Variants in FHOD1 observed in about 807,000 individuals in gnomAD.
FHOD1 encodes FH1/FH2 domain-containing protein 1.
FHOD1 carries 89 observed loss-of-function variants against 111.6 expected under a neutral mutation model. The ratio of observed to expected loss-of-function variants is 0.80; its 90% CI spans 0.67 to 0.95. The LOEUF is 0.95. Among genes scored for constraint, FHOD1 ranks in the 40% least tolerant of loss-of-function variants. FHOD1 has a pLI of 0.00. For synonymous variants in FHOD1, 618 were observed against 639.0 expected (o/e 0.97, Z 0.50); for missense variants, 1,446 against 1,554.2 (o/e 0.93, Z 1.17).
intron 17 of FHOD1, 35 bp from the exon 18 acceptor site, chr16:67,230,826 C>G (rs374066939): frequency 1.2e-5 from 19 of 1,547,436 alleles, no homozygotes; most frequent in African/African-American, 4.1e-5. Flanking sequence ...ACTGTCCCCC[C>G]ACACCCTGTA....
At position 67,230,530 on chromosome 16, in the gene FHOD1, G is replaced by C. The variant is rs777870268; in HGVS notation, c.2859-24C>G. ...ACCTAGGCAGGTCAGAGTAGGGAGG[G>C]ACAGTAAGTCCTGCTTATTGTCTGA... On this transcript the variant is annotated intron_variant, in intron 18 of 21. Transcript: ENST00000258201. 5.0e-6 allele frequency: 8 copies of C among 1,613,750 alleles called. No individual in the cohort carries two copies. In the Admixed American group the frequency reaches 1.0e-4, roughly 20 times the overall value.
intron 1 of FHOD1, among the ~76,000 whole-genome samples, chr16:67,246,490 G>C (rs960907059): frequency 6.6e-6 from 1 of 152,320 alleles, no homozygotes; most frequent in African/African-American, 2.4e-5. Context: ...CGGGGCGGCA[G>C]CAAAGTAGGG....
In FHOD1 at chr16:67,234,010, C is replaced by T. The variant is rs752754049; in HGVS notation, c.1693G>A (p.Ala565Thr). ...QDMLNVESVE[A>T]GKDIPAPSPP... is the part of the protein sequence containing the mutation. Reference sequence around the variant, plus strand: ...GAGGGAGCTGGGATGTCTTTCCCAGCCTCCACAGACTCTACATTCAGCATG... The same window carrying T: ...GAGGGAGCTGGGATGTCTTTCCCAGTCTCCACAGACTCTACATTCAGCATG... The change falls in exon 13 of 22, where the codon GCT becomes ACT. Residue 565 changes from alanine (A) to threonine (T), a missense_variant. Transcript: ENST00000258201. 3 of 1,613,318 alleles carry T rather than the reference C, an allele frequency of 1.9e-6. No homozygotes were observed. Among genetic ancestry groups the T allele is most frequent in the Admixed American group, 3.3e-5 (2 of 59,988 alleles).
At position 67,230,729 on chromosome 16, in the gene FHOD1, C is replaced by T. The variant is rs771534266; in HGVS notation, c.2730G>A (p.Glu910=). ...GQLERRSRAA[E]ESLRSLAKHE... is the part of the protein sequence containing the mutation. ...GCTTGGCCAAGCTCCGCAGGCTCTC[C>T]TCGGCTGCCCGGCTCCGGCGCTCCA... Residue 910 remains glutamate (E), a synonymous_variant, in exon 18 of 22, where the codon GAG becomes GAA. Transcript: ENST00000258201. 6.2e-7 allele frequency: 1 copy of T among 1,611,824 alleles called. No homozygotes were observed. Among genetic ancestry groups the T allele is most frequent in the Non-Finnish European group, 8.5e-7 (1 of 1,178,826 alleles).
chr16:67,233,469 G>A (rs1371532346), intron 13 of FHOD1, among the ~76,000 whole-genome samples, 188 bp downstream of exon 13: 1 of 152,134 alleles, frequency 6.6e-6, no homozygotes, highest in Non-Finnish European at 1.5e-5. Context: ...CACCATGCCC[G>A]GCCACATTTA....
rs756124197 is a variant in FHOD1, at chr16:67,229,924, G to A, written c.3281C>T (p.Pro1094Leu). The A allele has an allele frequency of 6.2e-7, 1 of 1,614,244 alleles. No homozygotes were observed. Among genetic ancestry groups the A allele is most frequent in the Non-Finnish European group, 8.5e-7 (1 of 1,180,036 alleles). ...VGPSTASPEE[P>L]PGSSLPSDTS... is the part of the protein sequence containing the mutation. ...ATCACTGGGTAAACTGGAGCCTGGG[G>A]GTTCTTCTGGGGATGCAGTGGAGGG... Residue 1094 changes from proline (P) to leucine (L), a missense_variant, in exon 21 of 22, where the codon CCC (proline) becomes CTC (leucine). This residue lies in a region of FHOD1 where 1,085 missense variants were observed against 1,108.8 expected (regional missense o/e 0.98). Transcript: ENST00000258201.
rs1461974164 is a variant in FHOD1, at chr16:67,231,266, G to C, written c.2589C>G (p.Leu863=). 6.2e-7 allele frequency: 1 copy of C among 1,614,222 alleles called. No homozygotes were observed. Among genetic ancestry groups the C allele is most frequent in the Non-Finnish European group, 8.5e-7 (1 of 1,180,036 alleles). The change falls in exon 17 of 22, where the codon CTC becomes CTG. Residue 863 remains leucine, a synonymous_variant. Transcript: ENST00000258201. This position sits in a 1 kb window ranked among gnomAD's most constrained non-coding sequence, Gnocchi z 4.3. ...GCCGGGTCTGGAGCACTAGGGAGCAGAGATGGTGTAGCAGTGACTGTCGAC... is the reference window on the plus strand; with the variant it reads ...GCCGGGTCTGGAGCACTAGGGAGCACAGATGGTGTAGCAGTGACTGTCGAC... ...TVRRQSLLHH[L]CSLVLQTRPE...
Position 67,233,928 on chromosome 16 carries a change from G to A in FHOD1, c.1775C>T (p.Pro592Leu), listed in dbSNP as rs1240518516. 1 of 1,580,970 alleles carries A rather than the reference G, an allele frequency of 6.3e-7. No homozygotes were observed. The change falls in exon 13 of 22, where the codon CCA becomes CTA. Residue 592 changes from proline (P) to leucine (L), a missense_variant. Around this residue, in one of 3 missense-constraint regions of FHOD1, gnomAD observed 1,085 missense variants for 1,108.8 expected, o/e 0.98. Transcript: ENST00000258201. ...TGGTGGGAAGGGGCCTTTGATGGGT[G>A]GGGGAGGTGGAAGTGGGGGAGGGGG... Reference protein sequence around the residue: ...VPPPPPLPPPPPIKGPFPPPP... With the variant: ...VPPPPPLPPPLPIKGPFPPPP...
Position 67,237,193 on chromosome 16 carries a change from C to T in FHOD1, c.993+46G>A, listed in dbSNP as rs1366923387. On this transcript the variant is annotated intron_variant, in intron 9 of 21. Transcript: ENST00000258201. This position sits in a 1 kb window ranked among gnomAD's most constrained non-coding sequence, Gnocchi z 5.6. The stretch of plus-strand genomic sequence containing the variant: ...GTGGGGCGCTGGGGACTGCGCTTCT[C>T]TCTTCCCTCTTTCCAATCCGCCTCA... 13 of 1,605,298 alleles carry T rather than the reference C, an allele frequency of 8.1e-6. No individual in the cohort carries two copies. Among genetic ancestry groups the T allele is most frequent in the Non-Finnish European group, 9.4e-6 (11 of 1,173,976 alleles).
rs774086008 is a variant in FHOD1, at chr16:67,237,743, A to C, written c.668T>G (p.Leu223Arg). The change falls in exon 7 of 22, where the codon CTG becomes CGG. Residue 223 changes from leucine to arginine, a missense_variant. Physicochemically the swap from Leu to Arg is moderately radical, Grantham distance 102. Transcript: ENST00000258201. The surrounding 1 kb of genome is among the most constrained non-coding windows in gnomAD (Gnocchi z 5.6). ...TTCTACAAACACCAACAGCAGCTTC[A>C]GGGCTGTCTTCACCACCAAGCGGGA... ...SLSRLVVKTA[L>R]KLLLVFVEYS... 1 of 1,614,058 alleles carries C rather than the reference A, an allele frequency of 6.2e-7. No individual in the cohort carries two copies. Among genetic ancestry groups the C allele is most frequent in the African/African-American group, 1.3e-5 (1 of 74,922 alleles).
rs149612162 is a variant in FHOD1 at position 67,232,126 on chromosome 16, G to A, written c.2115C>T (p.Ile705=). 5.6e-5 allele frequency: 91 copies of A among 1,614,220 alleles called. No homozygotes were observed. The African/African-American group carries it at 9.6e-4, about 17-fold the overall frequency. The change falls in exon 14 of 22, where the codon ATC becomes ATT. Residue 705 remains isoleucine, a synonymous_variant. Transcript: ENST00000258201. Reference sequence around the variant, plus strand: ...GCACAGGTGGCAGTGTGGTTAGGCCGATGTTGATGGCGTTGCTGCGCTTGG... The same window carrying A: ...GCACAGGTGGCAGTGTGGTTAGGCCAATGTTGATGGCGTTGCTGCGCTTGG... The part of the protein sequence containing the change: ...LDPKRSNAIN[I]GLTTLPPVHV...
chr16:67,232,816 A>AT lies in FHOD1; in HGVS notation c.2047-623dup, dbSNP rs569365125. 1.9e-3 allele frequency among the ~76,000 whole-genome samples: 275 copies of AT among 144,750 alleles called. 3 individuals are homozygous for AT. Among genetic ancestry groups the AT allele is most frequent in the African/African-American group, 5.8e-3 (230 of 39,626 alleles). 95.0% of individuals were successfully genotyped at this position (144,750 alleles called of 152,430 possible). A position where few individuals can be genotyped will look rare whatever the true frequency, so the allele number is the denominator to read the frequency against. ...CAGGCGTGTACCACCATACCCAACT[A>AT]TTTTTTTTTTTAACATTTTTTTTTC... is the stretch of plus-strand genomic sequence containing the variant. On this transcript the variant is annotated intron_variant, in intron 13 of 21. Transcript: ENST00000258201.
intron 1 of FHOD1, among the ~76,000 whole-genome samples, chr16:67,242,945 G>A (rs1179282270): frequency 6.6e-6 from 1 of 150,932 alleles, no homozygotes; most frequent in Non-Finnish European, 1.5e-5. Flanking sequence ...TATAGATATT[G>A]ATAATTTATA....
rs1374285558 is a variant in FHOD1, at chr16:67,238,671, C to G, written c.374-224G>C. ...GCCTCAAGCAATTCTCCCACCTTGA[C>G]CTCTCAAAGCACTGGCATTGGAGGC... On this transcript the variant is annotated intron_variant, in intron 3 of 21. Coordinates refer to ENST00000258201, the MANE Select transcript of FHOD1 (RefSeq NM_013241.3). The surrounding 1 kb of genome is among the most constrained non-coding windows in gnomAD (Gnocchi z 4.2). 2 of 657,306 alleles carry G rather than the reference C, an allele frequency of 3.0e-6. No homozygotes were observed. Among genetic ancestry groups the G allele is most frequent in the Non-Finnish European group, 5.4e-6 (2 of 371,734 alleles). 40.7% of individuals were successfully genotyped at this position (657,306 alleles called of 1,614,324 possible).
chr16:67,235,935 G>T, intron 11 of FHOD1: 1 of 615,800 alleles, frequency 1.6e-6, no homozygotes, highest in African/African-American at 2.0e-5. Context: ...GTTGCATCAG[G>T]CACGTGAAAC....
intron 13 of FHOD1, among the ~76,000 whole-genome samples, chr16:67,232,688 C>T (rs1261584732): frequency 6.6e-6 from 1 of 152,136 alleles, no homozygotes; most frequent in African/African-American, 2.4e-5. Flanking sequence ...TGAGACAGGG[C>T]CTGGCTCTAC....
In FHOD1 at chr16:67,247,273, G is replaced by C. The variant is rs763615681; in HGVS notation, c.138C>G (p.Asp46Glu). The C allele has an allele frequency of 6.2e-7, 1 of 1,612,160 alleles. No homozygotes were observed. Among genetic ancestry groups the C allele is most frequent in the Non-Finnish European group, 8.5e-7 (1 of 1,179,468 alleles). Residue 46 changes from aspartate to glutamate, a missense_variant, in exon 1 of 22, where the codon GAC becomes GAG. Asp to Glu is a conservative substitution (Grantham distance 45). Coordinates refer to ENST00000258201, the MANE Select transcript of FHOD1 (RefSeq NM_013241.3). Reference protein sequence around the residue: ...EPRRAPTCSLDGALPLGAQIP... With the variant: ...EPRRAPTCSLEGALPLGAQIP... ...TCTGCGCGCCCAAGGGCAGCGCCCC[G>C]TCCAGGCTGCAGGTGGGGGCCCGGC... is the stretch of plus-strand genomic sequence containing the variant.
At chr16:67,245,762 G>A (rs146800085) in intron 1 of FHOD1, among the ~76,000 whole-genome samples, 2,198 of 151,986 alleles carry the variant, frequency 0.014, 28 homozygotes, top group Non-Finnish European at 0.025. Context: ...AAAAAATCGG[G>A]GGGGTGGTGT....
At chr16:67,246,950 G>C (rs2034868231) in intron 1 of FHOD1, 1 of 477,806 alleles carries the variant, frequency 2.1e-6, no homozygotes, top group East Asian at 3.6e-5. Flanking sequence ...AGTGGAACTC[G>C]AGCACCTCCC....
Sources: allele counts gnomAD v4.1 joint callset (sites outside exome capture counted in the v4.1 genomes callset), GRCh38; gene constraint gnomAD v4.1.1; regional missense constraint gnomAD v4.1.1; non-coding constraint Gnocchi (gnomAD v3.1); transcripts MANE v1.5; gene names NCBI Gene and HGNC (gene_info 2026-07-23, HGNC 2026-07-21).